VPS13A: variants seen among roughly 807,000 people sequenced by gnomAD.
The protein encoded by VPS13A is intermembrane lipid transfer protein VPS13A.
A neutral mutation model predicts 390.9 loss-of-function variants in VPS13A; 264 were observed. The ratio of observed to expected loss-of-function variants is 0.68; its 90% CI spans 0.61 to 0.75. The LOEUF (loss-of-function observed/expected upper bound fraction) is 0.75, where lower values mean the gene tolerates loss of function less well. Ranked by LOEUF, VPS13A falls within the 30% of genes least tolerant of loss-of-function variation. The pLI is 0.00. For synonymous variants in VPS13A, 1,231 were observed against 1,227.1 expected (o/e 1.00, Z -0.07); for missense variants, 3,409 against 3,733.9 (o/e 0.91, Z 2.27).
In VPS13A at chr9:77,275,586, A is replaced by G. The variant is rs145624888; in HGVS notation, c.2601A>G (p.Arg867=). ...CTGGAGTTAAAAGTATTCGAACCAG[A>G]AAGTTACAAAAGCAGGATTGTTCAG... is the stretch of plus-strand genomic sequence containing the variant. The part of the protein sequence containing the change: ...FPTGVKSIRT[R]KLQKQDCSVN... Residue 867 remains arginine (R), a synonymous_variant, in exon 25 of 72, where the codon AGA becomes AGG. Transcript: ENST00000360280. 1.1e-5 allele frequency: 17 copies of G among 1,613,816 alleles called. No individual in the cohort carries two copies. The African/African-American group carries it at 2.3e-4, about 22-fold the overall frequency.
rs1231860564 is a variant in VPS13A, at chr9:77,177,843, C to T, written c.100+39C>T. On this transcript the variant is annotated intron_variant, in intron 1 of 71. Coordinates refer to ENST00000360280, the MANE Select transcript of VPS13A (RefSeq NM_033305.3). ...CGCCGCCGCTCCCCGGCCTCTCGTG[C>T]TTCCCGGCCGTCTCGCTGCCCGAGC... 5 of 1,570,452 alleles carry T rather than the reference C, an allele frequency of 3.2e-6. No individual in the cohort carries two copies. The East Asian group carries it at 1.1e-4, about 36-fold the overall frequency.
At chr9:77,210,312 A>T (rs1330578972) in intron 6 of VPS13A, among the ~76,000 whole-genome samples, 1 of 145,606 alleles carries the variant, frequency 6.9e-6, no homozygotes, top group Non-Finnish European at 1.5e-5. Context: ...ACTCATTGCA[A>T]CCTTGACATT....
chr9:77,207,261 T>G (rs1825732303), intron 5 of VPS13A, among the ~76,000 whole-genome samples: 1 of 70,024 alleles, frequency 1.4e-5, no homozygotes, highest in African/African-American at 3.6e-5. Context: ...ATAAAACGTG[T>G]TATATGTAAC....
intron 1 of VPS13A, among the ~76,000 whole-genome samples, chr9:77,193,533 C>T (rs919100165): frequency 1.3e-5 from 2 of 152,132 alleles, no homozygotes; most frequent in Non-Finnish European, 2.9e-5. Flanking sequence ...ACCCAGGAAG[C>T]TGAGGCAGGA....
rs147553658 is a variant in VPS13A at position 77,409,442 on chromosome 9, G to A, written c.9474+1835G>A. Among the ~76,000 whole-genome samples the A allele has an allele frequency of 6.6e-4, 101 of 152,306 alleles. 2 individuals carry two copies. The East Asian group carries it at 0.016, about 24-fold the overall frequency. ...TCCTCACCAGCAATGGAACAAAGCT[G>A]GATGGAGAATGACTTTGACAAGTTG... On this transcript the variant is annotated intron_variant, in intron 71 of 71. Coordinates refer to ENST00000360280, the MANE Select transcript of VPS13A (RefSeq NM_033305.3).
chr9:77,370,179 C>A (rs541208071), intron 63 of VPS13A, 78 bp from the exon 64 acceptor site: 6 of 1,506,774 alleles, frequency 4.0e-6, no homozygotes, highest in Non-Finnish European at 5.5e-6. Context: ...CTACCTCTTT[C>A]GTCGTATATA....
chr9:77,236,212 T>A (rs181743706), intron 17 of VPS13A, among the ~76,000 whole-genome samples: 1 of 152,340 alleles, frequency 6.6e-6, no homozygotes. Flanking sequence ...GTTTTCATAT[T>A]GGCTGTTGTA....
chr9:77,255,860 C>A (rs1205243965), intron 22 of VPS13A, among the ~76,000 whole-genome samples: 24 of 152,034 alleles, frequency 1.6e-4, no homozygotes, highest in Admixed American at 1.5e-3. Flanking sequence ...TTACCACTTT[C>A]ATTTCTGATT....
Position 77,314,014 on chromosome 9 carries a change from T to C in VPS13A, c.4137T>C (p.Ala1379=). The change falls in exon 36 of 72, where the codon GCT becomes GCC. Residue 1379 remains alanine (A), a synonymous_variant. Coordinates refer to ENST00000360280, the MANE Select transcript of VPS13A (RefSeq NM_033305.3). ...HSGGATVVTA[A]VVEVHSRALL... ...AAGGAGCAACTGTGGTGACAGCTGC[T>C]GTGGTAGAAGTACATTCACGTGCCT... The C allele has an allele frequency of 6.2e-7, 1 of 1,613,316 alleles. No individual in the cohort carries two copies. Among genetic ancestry groups the C allele is most frequent in the Non-Finnish European group, 8.5e-7 (1 of 1,179,574 alleles).
At chr9:77,319,301 AAT>A (rs1256821851) in intron 41 of VPS13A, among the ~76,000 whole-genome samples, 1 of 152,038 alleles carries the variant, frequency 6.6e-6, no homozygotes, top group Non-Finnish European at 1.5e-5. Context: ...TTCTAATAGA[AAT>A]ATGAAGAATT....
chr9:77,236,208 AT>A (rs1169712117), intron 17 of VPS13A, among the ~76,000 whole-genome samples: 1 of 152,178 alleles, frequency 6.6e-6, no homozygotes, highest in African/African-American at 2.4e-5. Flanking sequence ...TGAAGTTTTC[AT>A]ATTGGCTGTT....
intron 10 of VPS13A, among the ~76,000 whole-genome samples, chr9:77,215,603 A>G (rs1044173863): frequency 6.6e-6 from 1 of 152,216 alleles, no homozygotes; most frequent in African/African-American, 2.4e-5. Context: ...TACCAACTAT[A>G]AGAGGAGACT....
chr9:77,315,561 A>T, intron 38 of VPS13A, 91 bp downstream of exon 38: 1 of 1,237,872 alleles, frequency 8.1e-7, no homozygotes, highest in Non-Finnish European at 1.2e-6. Context: ...CATCAAAGTA[A>T]ATGCTTTAAG....
At position 77,248,222 on chromosome 9, in the gene VPS13A, T is replaced by C. The variant is rs1587414397; in HGVS notation, c.2037+827T>C. 5.5e-5 allele frequency among the ~76,000 whole-genome samples: 8 copies of C among 145,468 alleles called. No homozygotes were observed. The South Asian group carries it at 1.7e-3, about 32-fold the overall frequency. The stretch of plus-strand genomic sequence containing the variant: ...TAAGTCATTTCCCTTTTTTTCTTTC[T>C]TTTTTTTTTTTGAGACAGAGTCTGG... On this transcript the variant is annotated intron_variant, in intron 20 of 71. Coordinates refer to ENST00000360280, the MANE Select transcript of VPS13A (RefSeq NM_033305.3).
At chr9:77,197,189 A>G (rs143431195) in intron 1 of VPS13A, among the ~76,000 whole-genome samples, 1 of 152,274 alleles carries the variant, frequency 6.6e-6, no homozygotes, top group African/African-American at 2.4e-5. Context: ...GACCTCACAT[A>G]TATCCTGGAG....
At chr9:77,293,021 G>A (rs753787067) in intron 31 of VPS13A, among the ~76,000 whole-genome samples, 6 of 151,698 alleles carry the variant, frequency 4.0e-5, no homozygotes, top group African/African-American at 4.8e-5. Context: ...CTCTCATTAC[G>A]AAAGTATACT....
intron 31 of VPS13A, among the ~76,000 whole-genome samples, chr9:77,288,297 G>A (rs1415571417): frequency 6.6e-6 from 1 of 151,984 alleles, no homozygotes; most frequent in African/African-American, 2.4e-5. Context: ...ATTTATTTAT[G>A]CTCTTTTAAG....
chr9:77,410,467 G>A (rs1834864923), intron 71 of VPS13A, among the ~76,000 whole-genome samples: 1 of 152,020 alleles, frequency 6.6e-6, no homozygotes, highest in African/African-American at 2.4e-5. Flanking sequence ...AATGTAAATG[G>A]GCTAAATATT....
At chr9:77,405,712 G>A in intron 69 of VPS13A, 152 bp from the exon 70 acceptor site, 1 of 1,007,970 alleles carries the variant, frequency 9.9e-7, no homozygotes, top group African/African-American at 1.7e-5. Context: ...ACACTTTATG[G>A]TTCCAGTTCT....
Sources: allele counts gnomAD v4.1 joint callset (sites outside exome capture counted in the v4.1 genomes callset), GRCh38; gene constraint gnomAD v4.1.1; transcripts MANE v1.5; gene names NCBI Gene and HGNC (gene_info 2026-07-23, HGNC 2026-07-21).